Variants in POU6F2 observed in about 807,000 individuals in gnomAD.
POU6F2 encodes POU domain, class 6, transcription factor 2.
In POU6F2, 31 loss-of-function variants were observed where a neutral mutation model predicts 71.3. That is an observed-to-expected ratio of 0.43 (90% CI 0.33 to 0.59). The LOEUF (loss-of-function observed/expected upper bound fraction) is 0.59. Ranked by LOEUF, POU6F2 falls within the 20% of genes least tolerant of loss-of-function variation. The pLI is 0.04. For synonymous variants in POU6F2, 347 were observed against 355.7 expected (o/e 0.98, Z 0.27); for missense variants, 783 against 856.8 (o/e 0.91, Z 1.07).
intron 1 of POU6F2, among the ~76,000 whole-genome samples, chr7:39,037,203 C>T (rs1424187904): frequency 6.6e-6 from 1 of 152,008 alleles, no homozygotes; most frequent in East Asian, 1.9e-4. Flanking sequence ...TGGAAAAACC[C>T]TTAATCTCCA....
chr7:39,170,116 C>T (rs959864427), intron 2 of POU6F2, among the ~76,000 whole-genome samples: 1 of 152,034 alleles, frequency 6.6e-6, no homozygotes, highest in Non-Finnish European at 1.5e-5. Context: ...TGCAGTGAAT[C>T]GAGACCTTGC....
chr7:39,462,567 A>G (rs1788974918), intron 9 of POU6F2, among the ~76,000 whole-genome samples: 1 of 152,200 alleles, frequency 6.6e-6, no homozygotes, highest in Non-Finnish European at 1.5e-5. Context: ...TTGACACTGT[A>G]AAGCCTGTTG....
chr7:39,068,707 T>G (rs1341744367), intron 1 of POU6F2, among the ~76,000 whole-genome samples: 1 of 152,136 alleles, frequency 6.6e-6, no homozygotes, highest in Non-Finnish European at 1.5e-5. Flanking sequence ...TAACAGGAAC[T>G]CATGAAAAGT....
intron 7 of POU6F2, among the ~76,000 whole-genome samples, chr7:39,434,661 G>A (rs1788191844): frequency 6.6e-6 from 1 of 150,558 alleles, no homozygotes; most frequent in African/African-American, 2.5e-5. Context: ...AAAAAAAAAA[G>A]CAAAAACAAA....
intron 4 of POU6F2, among the ~76,000 whole-genome samples, chr7:39,317,268 T>C (rs1186580496): frequency 6.6e-6 from 1 of 152,142 alleles, no homozygotes; most frequent in East Asian, 1.9e-4. Context: ...CAGCTAAGCC[T>C]GCACAGAGGC....
intron 1 of POU6F2, among the ~76,000 whole-genome samples, chr7:39,073,072 T>C (rs935402732): frequency 6.6e-6 from 1 of 152,318 alleles, no homozygotes; most frequent in East Asian, 1.9e-4. Context: ...TCTTTACATT[T>C]CTCATTGTCC....
chr7:39,067,414 G>T (rs1232179154), intron 1 of POU6F2, among the ~76,000 whole-genome samples: 1 of 151,682 alleles, frequency 6.6e-6, no homozygotes, highest in Non-Finnish European at 1.5e-5. Context: ...AAACATAAAG[G>T]TTAAATATGA....
intron 5 of POU6F2, among the ~76,000 whole-genome samples, chr7:39,353,433 A>G (rs967461489): frequency 6.6e-6 from 1 of 152,230 alleles, no homozygotes; most frequent in Non-Finnish European, 1.5e-5. Flanking sequence ...AGTCACTTAC[A>G]TGTATTTTCA....
intron 1 of POU6F2, chr7:39,034,211 G>A (rs1466368441): frequency 1.2e-5 from 2 of 164,778 alleles, no homozygotes; most frequent in Non-Finnish European, 2.7e-5. Flanking sequence ...ATTATGATTA[G>A]TTATGGATTT....
At chr7:39,125,653 T>C (rs908049156) in intron 2 of POU6F2, among the ~76,000 whole-genome samples, 1 of 152,178 alleles carries the variant, frequency 6.6e-6, no homozygotes, top group African/African-American at 2.4e-5. Flanking sequence ...GGAGGAAGCA[T>C]AAAGAAAGCC....
chr7:39,393,158 A>G (rs971084694), intron 5 of POU6F2, among the ~76,000 whole-genome samples: 11 of 152,220 alleles, frequency 7.2e-5, no homozygotes, highest in African/African-American at 2.7e-4. Flanking sequence ...TAATGTGTTT[A>G]GAACAAACTA....
At chr7:39,101,224 C>T (rs1791565135) in intron 2 of POU6F2, among the ~76,000 whole-genome samples, 1 of 151,948 alleles carries the variant, frequency 6.6e-6, no homozygotes, top group Admixed American at 6.6e-5. Context: ...CAGCCACCCG[C>T]CACCAAACCC....
intron 4 of POU6F2, among the ~76,000 whole-genome samples, chr7:39,259,805 C>T (rs1784096550): frequency 6.6e-6 from 1 of 152,106 alleles, no homozygotes; most frequent in Non-Finnish European, 1.5e-5. Context: ...CCCCACAGCC[C>T]ATGAGCCTGC....
chr7:39,293,012 A>G (rs1784789803), intron 4 of POU6F2, among the ~76,000 whole-genome samples: 1 of 152,190 alleles, frequency 6.6e-6, no homozygotes, highest in Non-Finnish European at 1.5e-5. Flanking sequence ...CTTACCAAAA[A>G]GAGAAAGCAT....
chr7:39,226,257 T>A (rs1794458589), intron 4 of POU6F2, among the ~76,000 whole-genome samples: 1 of 152,202 alleles, frequency 6.6e-6, no homozygotes, highest in Non-Finnish European at 1.5e-5. Flanking sequence ...TGAGTTGTAA[T>A]GTTAGTGGTA....
At chr7:39,069,769 GTACA>G (rs1179430880) in intron 1 of POU6F2, among the ~76,000 whole-genome samples, 5 of 152,190 alleles carry the variant, frequency 3.3e-5, no homozygotes, top group African/African-American at 1.2e-4. Flanking sequence ...TATTTATTAA[GTACA>G]GGTGGATTAT....
chr7:39,150,547 A>G, intron 2 of POU6F2, among the ~76,000 whole-genome samples: 1 of 141,436 alleles, frequency 7.1e-6, no homozygotes, highest in Non-Finnish European at 1.5e-5. Flanking sequence ...GCTCACTACA[A>G]CCTCTGCCTC....
chr7:39,079,337 C>T (rs1399390699), intron 1 of POU6F2, among the ~76,000 whole-genome samples: 1 of 151,730 alleles, frequency 6.6e-6, no homozygotes, highest in Non-Finnish European at 1.5e-5. Context: ...TACAGGCGCC[C>T]GCAACCACGC....
rs568388943 is a variant in POU6F2 at position 39,364,692 on chromosome 7, C to T, written c.972+24677C>T. Among the ~76,000 whole-genome samples, 3 of 152,306 alleles carry T rather than the reference C, an allele frequency of 2.0e-5. No homozygotes were observed. The East Asian group carries it at 5.8e-4, about 29-fold the overall frequency. On this transcript the variant is annotated intron_variant, in intron 5 of 9. Transcript: ENST00000518318. ...TTGACGGGTATTTGGGGTGGTTCCA[C>T]GTTTATGCAATCACGAATTGTGCTA... is the stretch of plus-strand genomic sequence containing the variant.
Sources: gnomAD v4.1 joint callset for allele counts (sites outside exome capture counted in the v4.1 genomes callset) on GRCh38, gnomAD v4.1.1 for gene constraint, MANE v1.5 for transcripts, NCBI Gene and HGNC (gene_info 2026-07-23, HGNC 2026-07-21) for gene names.